Variants in CTNNA2 observed in about 807,000 individuals in gnomAD.
CTNNA2 encodes the protein catenin alpha-2.
A neutral mutation model predicts 101.0 loss-of-function variants in CTNNA2; 42 were observed. That is an observed-to-expected ratio of 0.42 (90% CI 0.32 to 0.54). The LOEUF is 0.54. Ranked by LOEUF, CTNNA2 falls within the 20% of genes least tolerant of loss-of-function variation. CTNNA2 has a pLI of 0.14. For synonymous variants in CTNNA2, 450 were observed against 456.4 expected (o/e 0.99, Z 0.18); for missense variants, 871 against 1,223.1 (o/e 0.71, Z 4.29).
At chr2:80,128,812 C>T (rs1702265156) in intron 7 of CTNNA2, among the ~76,000 whole-genome samples, 1 of 152,082 alleles carries the variant, frequency 6.6e-6, no homozygotes. Context: ...AGTCTTAGAC[C>T]AGGTTTGGGA....
At chr2:80,269,791 C>T (rs1232139497) in intron 7 of CTNNA2, among the ~76,000 whole-genome samples, 6 of 152,086 alleles carry the variant, frequency 3.9e-5, no homozygotes, top group Non-Finnish European at 8.8e-5. Context: ...CACTCATTTT[C>T]TTAGTACTAA....
At chr2:79,643,699 G>A (rs1680607133) in intron 1 of CTNNA2, among the ~76,000 whole-genome samples, 1 of 152,140 alleles carries the variant, frequency 6.6e-6, no homozygotes, top group South Asian at 2.1e-4. Context: ...TCTCAAGGCT[G>A]AAATCAAGGT....
intron 3 of CTNNA2, among the ~76,000 whole-genome samples, chr2:79,820,947 C>G (rs1432949826): frequency 1.3e-5 from 2 of 152,092 alleles, no homozygotes; most frequent in East Asian, 3.9e-4. Flanking sequence ...TTATGTATTT[C>G]CTGGAATGCT....
chr2:80,480,203 A>C (rs988604677), intron 9 of CTNNA2, among the ~76,000 whole-genome samples: 2 of 152,084 alleles, frequency 1.3e-5, no homozygotes, highest in African/African-American at 4.8e-5. Context: ...CAAAATGAAA[A>C]ATTTTATGCA....
intron 7 of CTNNA2, among the ~76,000 whole-genome samples, chr2:80,349,790 C>A (rs1673115503): frequency 6.6e-6 from 1 of 152,082 alleles, no homozygotes; most frequent in Admixed American, 6.6e-5. Flanking sequence ...GAGTTGCTGG[C>A]ATTCAGGCAT....
chr2:79,585,010 T>G (rs1206330235), intron 1 of CTNNA2, among the ~76,000 whole-genome samples: 1 of 152,208 alleles, frequency 6.6e-6, no homozygotes, highest in Non-Finnish European at 1.5e-5. Context: ...GTTTTTCCTA[T>G]CTTTTTGAGT....
intron 1 of CTNNA2, among the ~76,000 whole-genome samples, chr2:79,554,454 C>G (rs1674314903): frequency 6.6e-6 from 1 of 152,086 alleles, no homozygotes; most frequent in Non-Finnish European, 1.5e-5. Context: ...TAATTTTATA[C>G]ACTGTACTAT....
At chr2:80,581,429 A>G (rs546245653) in intron 13 of CTNNA2, among the ~76,000 whole-genome samples, 1 of 152,186 alleles carries the variant, frequency 6.6e-6, no homozygotes, top group East Asian at 1.9e-4. Context: ...TAATACACAG[A>G]TATCATTTTT....
At chr2:79,325,140 T>C (rs184760962) in intron 3 of CTNNA2, among the ~76,000 whole-genome samples, 1 of 152,006 alleles carries the variant, frequency 6.6e-6, no homozygotes, top group East Asian at 1.9e-4. Context: ...TGCAGACACA[T>C]AGGAGAGAGA....
chr2:80,238,719 G>A (rs1425682969), intron 7 of CTNNA2, among the ~76,000 whole-genome samples: 1 of 152,188 alleles, frequency 6.6e-6, no homozygotes, highest in Non-Finnish European at 1.5e-5. Flanking sequence ...AAGAGAAATA[G>A]AGGGATGGAA....
At chr2:80,111,924 A>G (rs1207471472) in intron 7 of CTNNA2, among the ~76,000 whole-genome samples, 1 of 152,202 alleles carries the variant, frequency 6.6e-6, no homozygotes, top group African/African-American at 2.4e-5. Context: ...TTCATTTTGG[A>G]TATCCAATAA....
chr2:80,053,304 G>A (rs1168944877), intron 7 of CTNNA2, among the ~76,000 whole-genome samples: 1 of 152,156 alleles, frequency 6.6e-6, no homozygotes, highest in Non-Finnish European at 1.5e-5. Flanking sequence ...TTCAAAAAGT[G>A]GCCCCAAGAT....
chr2:79,400,452 A>T (rs1425347787), intron 4 of CTNNA2, among the ~76,000 whole-genome samples: 1 of 151,980 alleles, frequency 6.6e-6, no homozygotes, highest in African/African-American at 2.4e-5. Context: ...AAGAGTTAGA[A>T]ATTATTTAAA....
At chr2:80,529,425 A>AT (rs1368542202) in intron 9 of CTNNA2, among the ~76,000 whole-genome samples, 1 of 152,202 alleles carries the variant, frequency 6.6e-6, no homozygotes, top group Non-Finnish European at 1.5e-5. Flanking sequence ...GTATTAAGAC[A>AT]TTTGAAAGTT....
chr2:79,320,503 A>T (rs746564396), intron 3 of CTNNA2, among the ~76,000 whole-genome samples: 6 of 152,130 alleles, frequency 3.9e-5, no homozygotes, highest in Non-Finnish European at 8.8e-5. Flanking sequence ...GCTCTAAAAA[A>T]AATTCTAGTT....
At chr2:79,983,575 C>T (rs1393923011) in intron 7 of CTNNA2, among the ~76,000 whole-genome samples, 3 of 151,994 alleles carry the variant, frequency 2.0e-5, no homozygotes, top group Non-Finnish European at 2.9e-5. Context: ...ACCATTAAGG[C>T]CCAGTTAAGA....
chr2:80,478,848 T>C (rs887609783), intron 9 of CTNNA2, among the ~76,000 whole-genome samples: 9 of 152,026 alleles, frequency 5.9e-5, no homozygotes, highest in African/African-American at 1.7e-4. Context: ...GCTTAGCATT[T>C]CTTTGGCTAT....
intron 5 of CTNNA2, among the ~76,000 whole-genome samples, chr2:79,505,826 T>G (rs922739113): frequency 5.3e-5 from 8 of 152,234 alleles, no homozygotes; most frequent in Admixed American, 3.9e-4. Context: ...AGTTGTCAGT[T>G]TGTCTCATTA....
chr2:80,305,334 G>C, intron 7 of CTNNA2: 1 of 985,416 alleles, frequency 1.0e-6, no homozygotes, highest in Non-Finnish European at 1.2e-6. Context: ...GTATGTCTGT[G>C]TGCAGGGAGA....
Sources: gnomAD v4.1 joint callset for allele counts (sites outside exome capture counted in the v4.1 genomes callset) on GRCh38, gnomAD v4.1.1 for gene constraint, MANE v1.5 for transcripts, NCBI Gene and HGNC (gene_info 2026-07-23, HGNC 2026-07-21) for gene names.